SOX6: variants seen among roughly 807,000 people sequenced by gnomAD.
SOX6 encodes the protein transcription factor SOX-6.
In SOX6, 11 loss-of-function variants were observed where a neutral mutation model predicts 97.8. The observed-to-expected ratio is 0.11, with a 90% CI of 0.07 to 0.19. SOX6 has a LOEUF of 0.19. SOX6 is among the 10% of genes least tolerant of loss of function. The probability of loss-of-function intolerance (pLI) is 1.00; values close to 1 mark genes in which losing one functional copy is unlikely to be tolerated. For missense variants in SOX6, 810 were observed against 1,039.5 expected (o/e 0.78, Z 3.04); for synonymous variants, 360 against 371.4 (o/e 0.97, Z 0.35).
intron 1 of SOX6, among the ~76,000 whole-genome samples, chr11:16,348,070 A>T (rs1829845065): frequency 6.6e-6 from 1 of 151,872 alleles, no homozygotes; most frequent in Non-Finnish European, 1.5e-5. Context: ...GGAAAAGGGG[A>T]GAAGGTAAAA....
intron 4 of SOX6, among the ~76,000 whole-genome samples, chr11:16,213,689 G>A (rs562786335): frequency 2.4e-4 from 36 of 152,232 alleles, no homozygotes; most frequent in African/African-American, 8.2e-4. Flanking sequence ...CTGTATATAA[G>A]TTATGATCCA....
rs1370733262 is a variant in SOX6 at position 15,972,538 on chromosome 11, TTGAGA to T, written c.*266_*270del. On this transcript the variant is annotated 3_prime_UTR_variant, in exon 16 of 16. Transcript: ENST00000683767. ...ATAAGACTTGTAAGACATCTACGGG[TTGAGA>T]TAAGTTTCAAGTCCTGGTGTCTCAT... The T allele has an allele frequency of 1.5e-5, 7 of 475,058 alleles. No homozygotes were observed. The highest frequency in any genetic ancestry group is 9.9e-5 in the African/African-American group (5 of 50,660). The allele number at this position is 475,058 out of a possible 1,614,324, so 29.4% of individuals were successfully genotyped here. A position where few individuals can be genotyped will look rare whatever the true frequency, so the allele number is the denominator to read the frequency against.
At chr11:16,562,897 T>C (rs954707826) in intron 4 of SOX6, among the ~76,000 whole-genome samples, 1 of 152,150 alleles carries the variant, frequency 6.6e-6, no homozygotes, top group African/African-American at 2.4e-5. Context: ...TGAACTTCCA[T>C]ATCCATCTAG....
At chr11:16,122,339 TTC>T (rs1849513459) in intron 6 of SOX6, among the ~76,000 whole-genome samples, 1 of 152,018 alleles carries the variant, frequency 6.6e-6, no homozygotes, top group African/African-American at 2.4e-5. Context: ...CCTGTCTTAT[TTC>T]CAGAGAAGTA....
intron 4 of SOX6, among the ~76,000 whole-genome samples, chr11:16,601,520 T>C (rs888065297): frequency 8.5e-5 from 13 of 152,192 alleles, no homozygotes; most frequent in Non-Finnish European, 8.8e-5. Flanking sequence ...GAAAAATATA[T>C]GTATGTATGA....
At chr11:16,533,782 C>T (rs1309616192) in intron 4 of SOX6, among the ~76,000 whole-genome samples, 1 of 151,998 alleles carries the variant, frequency 6.6e-6, no homozygotes, top group African/African-American at 2.4e-5. Context: ...AAATTTGTGT[C>T]ATTTTTTAAA....
At chr11:16,294,295 G>A (rs2134263108) in intron 3 of SOX6, among the ~76,000 whole-genome samples, 1 of 151,982 alleles carries the variant, frequency 6.6e-6, no homozygotes, top group Non-Finnish European at 1.5e-5. Context: ...TTAATATCAG[G>A]AATTATTATT....
At position 16,194,975 on chromosome 11, in the gene SOX6, T is replaced by C. The variant is rs557719985; in HGVS notation, c.536-8020A>G. Among the ~76,000 whole-genome samples the C allele has an allele frequency of 9.8e-5, 15 of 152,336 alleles. No homozygotes were observed. In the South Asian group the frequency reaches 2.7e-3, roughly 27 times the overall value. ...TGGCTACATCTCCATAACCTACACA[T>C]AAAAATAGTAATTTCTGGCCTTTCA... On this transcript the variant is annotated intron_variant, in intron 4 of 15. Coordinates refer to ENST00000683767, the MANE Select transcript of SOX6 (RefSeq NM_001367873.1).
At chr11:16,359,084 G>C (rs535175014), upstream of SOX6, among the ~76,000 whole-genome samples, 1 of 135,792 alleles carries the variant, frequency 7.4e-6, no homozygotes, top group South Asian at 2.2e-4. Context: ...CCAGGTACTA[G>C]AGAGATATAT....
intron 6 of SOX6, among the ~76,000 whole-genome samples, chr11:16,161,616 G>A (rs1031277451): frequency 3.9e-5 from 6 of 152,108 alleles, no homozygotes; most frequent in Non-Finnish European, 1.5e-5. Context: ...TCCTTTACTA[G>A]CGCCACAAAA....
intron 9 of SOX6, among the ~76,000 whole-genome samples, chr11:16,095,249 C>T (rs1418073388): frequency 1.3e-5 from 2 of 151,520 alleles, no homozygotes; most frequent in Non-Finnish European, 2.9e-5. Context: ...AGTGAGGGAC[C>T]CCGGTGAGGC....
chr11:16,556,679 C>T (rs1394735669), intron 4 of SOX6, among the ~76,000 whole-genome samples: 3 of 151,788 alleles, frequency 2.0e-5, no homozygotes, highest in Non-Finnish European at 4.4e-5. Flanking sequence ...CATCAAATAA[C>T]ATTTTATAAT....
chr11:16,110,914 T>C (rs971455336), intron 7 of SOX6, among the ~76,000 whole-genome samples: 3 of 152,234 alleles, frequency 2.0e-5, no homozygotes, highest in African/African-American at 7.2e-5. Flanking sequence ...CGCAGATTTG[T>C]TGTACTCAGA....
intron 3 of SOX6, among the ~76,000 whole-genome samples, chr11:16,637,681 C>A (rs1564854445): frequency 6.6e-6 from 1 of 152,116 alleles, no homozygotes; most frequent in African/African-American, 2.4e-5. Context: ...TTATTTCCTT[C>A]TCATCTAAGA....
At chr11:16,184,033 T>TA (rs1851408224) in intron 5 of SOX6, 79 bp from the exon 6 acceptor site, 1 of 1,254,788 alleles carries the variant, frequency 8.0e-7, no homozygotes, top group Non-Finnish European at 1.2e-6. Flanking sequence ...CTCCTGGTAT[T>TA]ACAACAATCT....
At chr11:16,208,466 T>A (rs1852130623) in intron 4 of SOX6, among the ~76,000 whole-genome samples, 1 of 152,250 alleles carries the variant, frequency 6.6e-6, no homozygotes, top group Non-Finnish European at 1.5e-5. Context: ...GCAGTGGCAC[T>A]CAACTGTACT....
intron 3 of SOX6, among the ~76,000 whole-genome samples, chr11:16,259,855 T>G (rs1448990107): frequency 6.6e-6 from 1 of 151,786 alleles, no homozygotes; most frequent in Non-Finnish European, 1.5e-5. Flanking sequence ...AAAAATGTGG[T>G]GGAATATAAA....
At chr11:16,259,580 G>A (rs1194782813) in intron 3 of SOX6, among the ~76,000 whole-genome samples, 3 of 152,090 alleles carry the variant, frequency 2.0e-5, no homozygotes, top group Non-Finnish European at 4.4e-5. Context: ...GTAACCAATA[G>A]ACATAGAACA....
intron 4 of SOX6, among the ~76,000 whole-genome samples, chr11:16,524,706 A>T (rs1430098378): frequency 6.6e-6 from 1 of 152,188 alleles, no homozygotes; most frequent in African/African-American, 2.4e-5. Flanking sequence ...CCGTTTGCAG[A>T]TGACATGATT....
Sources: allele counts gnomAD v4.1 joint callset (sites outside exome capture counted in the v4.1 genomes callset), GRCh38; gene constraint gnomAD v4.1.1; transcripts MANE v1.5; gene names NCBI Gene and HGNC (gene_info 2026-07-23, HGNC 2026-07-21).